LRRC9: variants seen among roughly 807,000 people sequenced by gnomAD.
LRRC9 encodes the protein leucine rich repeat containing 9, also known as leucine-rich repeat-containing protein 9.
Under a neutral mutation model 63.2 loss-of-function variants are expected in LRRC9, and 122 were observed. That is an observed-to-expected ratio of 1.93 (90% CI 1.67 to 2.24). The LOEUF (loss-of-function observed/expected upper bound fraction) is 2.24, where lower values mean the gene tolerates loss of function less well. Among genes scored for constraint, LRRC9 ranks in the 30% most tolerant of loss-of-function variants. LRRC9 has a pLI of 0.00. For missense variants in LRRC9, 1,071 were observed against 627.7 expected (o/e 1.71, Z -7.55); for synonymous variants, 366 against 213.1 (o/e 1.72, Z -6.25).
chr14:60,026,488 G>A (rs1355118236), intron 27 of LRRC9, among the ~76,000 whole-genome samples: 1 of 151,962 alleles, frequency 6.6e-6, no homozygotes, highest in African/African-American at 2.4e-5. Flanking sequence ...CTTGTCATAT[G>A]GGTAGTTTAC....
chr14:59,930,752 A>G lies in LRRC9; in HGVS notation c.268-166A>G, dbSNP rs542752186. Among the ~76,000 whole-genome samples, 258 of 151,846 alleles carry G rather than the reference A, an allele frequency of 1.7e-3. 1 individual carries two copies. Among genetic ancestry groups the G allele is most frequent in the Non-Finnish European group, 3.2e-3 (218 of 67,812 alleles). ...ATTGAAAATAGTTGTATTTAAATGGAAAACATGGAATATATTTTTTTCTTT... is the reference window on the plus strand; with the variant it reads ...ATTGAAAATAGTTGTATTTAAATGGGAAACATGGAATATATTTTTTTCTTT... On this transcript the variant is annotated intron_variant, in intron 3 of 31. Transcript: ENST00000445360. The surrounding 1 kb of genome is among the most constrained non-coding windows in gnomAD (Gnocchi z 4.9).
intron 8 of LRRC9, among the ~76,000 whole-genome samples, chr14:59,955,737 G>A (rs1883674714): frequency 6.6e-6 from 1 of 152,166 alleles, no homozygotes; most frequent in Admixed American, 6.5e-5. Context: ...ATGTTAGGGT[G>A]TCGATTTTAG....
chr14:60,003,845 A>G lies in LRRC9; in HGVS notation c.2842+47A>G. On this transcript the variant is annotated intron_variant, in intron 21 of 31. Coordinates refer to ENST00000445360, the Ensembl canonical transcript of LRRC9. This position sits in a 1 kb window ranked among gnomAD's most constrained non-coding sequence, Gnocchi z 4.2. The stretch of plus-strand genomic sequence containing the variant: ...AAGTCTCAAAATATGGGATGTCTAA[A>G]CAACAAAGCAAAAAATAACCCTGGG... The G allele has an allele frequency of 1.9e-6, 1 of 534,816 alleles. No individual in the cohort carries two copies. Among genetic ancestry groups the G allele is most frequent in the Non-Finnish European group, 3.3e-6 (1 of 303,918 alleles). The allele number at this position is 534,816 out of a possible 1,614,324, so 33.1% of individuals were successfully genotyped here.
chr14:60,054,315 A>G (rs1894115103), intron 30 of LRRC9, among the ~76,000 whole-genome samples: 1 of 152,188 alleles, frequency 6.6e-6, no homozygotes, highest in South Asian at 2.1e-4. Flanking sequence ...CTCTAAGTGC[A>G]AATTTTAAAT....
chr14:59,923,669 C>T lies in LRRC9; in HGVS notation c.-34+3786C>T, dbSNP rs557379046. ...AGATACAGTCAGGCGAGGTGGCTCACGCCTGTAGGCTCACGCCTCCCAGCA... is the reference window on the plus strand; with the variant it reads ...AGATACAGTCAGGCGAGGTGGCTCATGCCTGTAGGCTCACGCCTCCCAGCA... On this transcript the variant is annotated intron_variant, in intron 1 of 31. Transcript: ENST00000445360. The surrounding 1 kb of genome is among the most constrained non-coding windows in gnomAD (Gnocchi z 4.2). Among the ~76,000 whole-genome samples, 2 of 152,284 alleles carry T rather than the reference C, an allele frequency of 1.3e-5. No individual in the cohort carries two copies. The highest frequency in any genetic ancestry group is 2.4e-5 in the African/African-American group (1 of 41,554).
intron 29 of LRRC9, among the ~76,000 whole-genome samples, chr14:60,050,291 C>T (rs113796209): frequency 2.0e-5 from 3 of 152,100 alleles, no homozygotes; most frequent in African/African-American, 4.8e-5. Context: ...CCACCATGCC[C>T]GGCCCTGTCT....
intron 6 of LRRC9, among the ~76,000 whole-genome samples, chr14:59,934,087 G>A (rs1889928908): frequency 6.6e-6 from 1 of 151,614 alleles, no homozygotes; most frequent in African/African-American, 2.4e-5. Context: ...GGAGATTCCA[G>A]GAATAATCTA....
intron 12 of LRRC9, among the ~76,000 whole-genome samples, chr14:59,967,676 A>T (rs1884999114): frequency 6.6e-6 from 1 of 152,144 alleles, no homozygotes; most frequent in Non-Finnish European, 1.5e-5. Flanking sequence ...GTCACTTCTG[A>T]TGCCCCAAGT....
chr14:60,024,043 C>CA (rs1213861845), intron 27 of LRRC9, among the ~76,000 whole-genome samples: 1 of 152,120 alleles, frequency 6.6e-6, no homozygotes, highest in Non-Finnish European at 1.5e-5. Flanking sequence ...TCCAGTCTAA[C>CA]ATGGATGGGC....
At chr14:60,007,130 C>T (rs1889873398) in intron 22 of LRRC9, among the ~76,000 whole-genome samples, 1 of 152,170 alleles carries the variant, frequency 6.6e-6, no homozygotes, top group Admixed American at 6.5e-5. Context: ...CATTTTCTAA[C>T]ACTATGGGTC....
chr14:59,981,407 G>A (rs572716706), intron 15 of LRRC9, among the ~76,000 whole-genome samples: 2 of 152,072 alleles, frequency 1.3e-5, no homozygotes, highest in South Asian at 2.1e-4. Context: ...AATTCTTACC[G>A]TAATTACTGA....
intron 20 of LRRC9, among the ~76,000 whole-genome samples, chr14:60,002,309 C>T (rs1274789470): frequency 1.3e-5 from 2 of 152,058 alleles, no homozygotes; most frequent in Admixed American, 6.6e-5. Flanking sequence ...TAGTCATTAA[C>T]TTTAGTCGTT....
chr14:59,924,391 C>T (rs1594796469), intron 1 of LRRC9, among the ~76,000 whole-genome samples: 2 of 152,298 alleles, frequency 1.3e-5, no homozygotes. Flanking sequence ...TGACTGGCTT[C>T]TCTTGCAGCC....
Position 59,966,956 on chromosome 14 carries a change from G to T in LRRC9, c.1389-140G>T, listed in dbSNP as rs142909698. 412 of 537,418 alleles carry T rather than the reference G, an allele frequency of 7.7e-4. No individual in the cohort carries two copies. The highest frequency in any genetic ancestry group is 6.7e-3 in the African/African-American group (360 of 53,394). 33.3% of individuals were successfully genotyped at this position (537,418 alleles called of 1,614,324 possible). On this transcript the variant is annotated intron_variant, in intron 11 of 31. Transcript: ENST00000445360. The surrounding 1 kb of genome is among the most constrained non-coding windows in gnomAD (Gnocchi z 4.0). ...ATTGAGCCTGTTTTTGAGGTTGAAGGCAGGGGAGCTATTAATAATGACACT... is the reference window on the plus strand; with the variant it reads ...ATTGAGCCTGTTTTTGAGGTTGAAGTCAGGGGAGCTATTAATAATGACACT...
At chr14:59,977,763 A>G (rs1290798724) in intron 14 of LRRC9, among the ~76,000 whole-genome samples, 1 of 152,132 alleles carries the variant, frequency 6.6e-6, no homozygotes, top group Non-Finnish European at 1.5e-5. Context: ...ATGTAGTGAA[A>G]GGATTTATAT....
At chr14:59,929,519 G>T (rs1889506933) in intron 3 of LRRC9, among the ~76,000 whole-genome samples, 1 of 152,050 alleles carries the variant, frequency 6.6e-6, no homozygotes. Flanking sequence ...ACAGTGTGAT[G>T]ATTCCTCAAA....
chr14:60,048,712 A>G (rs1489090192), intron 29 of LRRC9, among the ~76,000 whole-genome samples: 1 of 152,182 alleles, frequency 6.6e-6, no homozygotes, highest in Non-Finnish European at 1.5e-5. Context: ...CAGAGGTACA[A>G]GGAAGAACTG....
intron 15 of LRRC9, among the ~76,000 whole-genome samples, chr14:59,980,626 A>T (rs1594932477): frequency 6.6e-6 from 1 of 152,228 alleles, no homozygotes; most frequent in Non-Finnish European, 1.5e-5. Context: ...TTCTAGGAAC[A>T]TGATAATCTG....
chr14:59,990,154 C>T lies in LRRC9; in HGVS notation c.2211+4930C>T, dbSNP rs8012992. On this transcript the variant is annotated intron_variant, in intron 17 of 31. Transcript: ENST00000445360. This position sits in a 1 kb window ranked among gnomAD's most constrained non-coding sequence, Gnocchi z 4.2. ...GTTGGTCAGGCTGGTCTTGAACTCC[C>T]GACTTCAGGTGATCTGCCCGCCTCG... Among the ~76,000 whole-genome samples the T allele has an allele frequency of 0.025, 3,850 of 152,000 alleles. 115 individuals carry two copies. The highest frequency in any genetic ancestry group is 0.08 in the African/African-American group (3,302 of 41,452).
Sources: allele counts gnomAD v4.1 joint callset (sites outside exome capture counted in the v4.1 genomes callset), GRCh38; gene constraint gnomAD v4.1.1; non-coding constraint Gnocchi (gnomAD v3.1); transcripts MANE v1.5; gene names NCBI Gene and HGNC (gene_info 2026-07-23, HGNC 2026-07-21).